Variants in AGR3 observed in about 807,000 individuals in gnomAD.
AGR3 encodes anterior gradient 3, protein disulphide isomerase family member.
Under a neutral mutation model 24.5 loss-of-function variants are expected in AGR3, and 37 were observed. The observed-to-expected ratio is 1.51, with a 90% CI of 1.16 to 1.99. The LOEUF (loss-of-function observed/expected upper bound fraction) is 1.99. AGR3 is among the 30% of genes most tolerant of loss of function. The pLI is 0.00. For synonymous variants in AGR3, 75 were observed against 61.6 expected, an observed-to-expected ratio of 1.22 and a Z score of -1.02; for missense variants, 228 against 191.1, an observed-to-expected ratio of 1.19 and a Z score of -1.14.
chr7:16,873,743 A>T (rs1412561115), intron 3 of AGR3, 37 bp downstream of exon 3: 1 of 1,489,650 alleles, frequency 6.7e-7, no homozygotes, highest in Non-Finnish European at 9.4e-7. Context: ...AGTCTACTAC[A>T]AATAAAAGGA....
At chr7:16,880,706 C>T (rs1395520717) in intron 1 of AGR3, among the ~76,000 whole-genome samples, 2 of 151,992 alleles carry the variant, frequency 1.3e-5, no homozygotes, top group Non-Finnish European at 2.9e-5. Context: ...TAAAACATTT[C>T]AGAATGTCAT....
chr7:16,855,838 C>G (rs1286360231), downstream of AGR3, among the ~76,000 whole-genome samples: 1 of 152,172 alleles, frequency 6.6e-6, no homozygotes, highest in South Asian at 2.1e-4. Flanking sequence ...TTGGCCTACT[C>G]TTATTAACTC....
At chr7:16,868,755 T>C (rs62443942) in intron 3 of AGR3, among the ~76,000 whole-genome samples, 2,174 of 152,278 alleles carry the variant, frequency 0.014, 27 homozygotes, top group Middle Eastern at 0.031. Context: ...TATAGAATGA[T>C]TTTTAAATAC....
intron 3 of AGR3, among the ~76,000 whole-genome samples, chr7:16,872,493 C>T (rs981035353): frequency 7.9e-5 from 12 of 152,162 alleles, no homozygotes; most frequent in Admixed American, 6.5e-4. Context: ...AGACCCCAAA[C>T]TATAACACTC....
intron 3 of AGR3, chr7:16,865,883 C>T (rs1200363298): frequency 8.3e-6 from 6 of 727,120 alleles, no homozygotes; most frequent in African/African-American, 7.0e-5. Context: ...CGTTGTCTTT[C>T]CACATCCAGG....
rs1438457735 is a variant in AGR3, at chr7:16,878,704, G to T, written c.-27-59C>A. 6.8e-6 allele frequency: 9 copies of T among 1,321,014 alleles called. No homozygotes were observed. In the East Asian group the frequency reaches 1.6e-4, roughly 24 times the overall value. 81.8% of individuals were successfully genotyped at this position (1,321,014 alleles called of 1,614,324 possible). On this transcript the variant is annotated intron_variant, in intron 1 of 7. Transcript: ENST00000310398. The stretch of plus-strand genomic sequence containing the variant: ...GAATTACTTCAAGCTATTATTAGAA[G>T]ATATTTGCTAAGAGTTGGACCAATA...
In AGR3 at chr7:16,876,645, G is replaced by A. The variant is rs575850497; in HGVS notation, c.109+1865C>T. On this transcript the variant is annotated intron_variant, in intron 2 of 7. Transcript: ENST00000310398. ...CATTATCTCCCATGTAGCAATAGAT[G>A]GTAAAAGACTTTGCCAAATATAAAC... 1.9e-4 allele frequency among the ~76,000 whole-genome samples: 29 copies of A among 152,118 alleles called. No individual in the cohort carries two copies. The South Asian group carries it at 5.8e-3, about 31-fold the overall frequency.
chr7:16,871,860 A>G (rs1189459780), intron 3 of AGR3, among the ~76,000 whole-genome samples: 1 of 152,136 alleles, frequency 6.6e-6, no homozygotes, highest in African/African-American at 2.4e-5. Context: ...ACAAGCAAAC[A>G]AAAACCACAC....
At chr7:16,881,167 C>T (rs1189355604) in intron 1 of AGR3, among the ~76,000 whole-genome samples, 1 of 152,152 alleles carries the variant, frequency 6.6e-6, no homozygotes, top group Non-Finnish European at 1.5e-5. Context: ...AAAAGCATAA[C>T]CTCATCATTT....
intron 3 of AGR3, among the ~76,000 whole-genome samples, chr7:16,868,583 T>A (rs1781805603): frequency 6.6e-6 from 1 of 152,230 alleles, no homozygotes; most frequent in Non-Finnish European, 1.5e-5. Flanking sequence ...TTTCATATAT[T>A]GTCTTCTATT....
intron 3 of AGR3, among the ~76,000 whole-genome samples, chr7:16,870,061 A>G (rs1245850804): frequency 6.6e-6 from 1 of 151,944 alleles, no homozygotes; most frequent in East Asian, 1.9e-4. Context: ...TCTATCCAAG[A>G]ATATAATATG....
chr7:16,857,600 A>C (rs1224815087), downstream of AGR3, among the ~76,000 whole-genome samples: 1 of 152,196 alleles, frequency 6.6e-6, no homozygotes, highest in Non-Finnish European at 1.5e-5. Context: ...CTGATCTCTT[A>C]GCATTCATTA....
chr7:16,861,568 C>A (rs186763105), intron 5 of AGR3, 121 bp from the exon 6 acceptor site: 5 of 757,238 alleles, frequency 6.6e-6, no homozygotes, highest in Non-Finnish European at 1.1e-5. Flanking sequence ...ATACAACTTT[C>A]TGTATTAACC....
intron 3 of AGR3, among the ~76,000 whole-genome samples, chr7:16,866,854 T>A (rs1781767947): frequency 6.6e-6 from 1 of 152,150 alleles, no homozygotes; most frequent in African/African-American, 2.4e-5. Flanking sequence ...TGCTGCAGTT[T>A]TCCATTTAAA....
chr7:16,861,655 C>T (rs1781645770), intron 5 of AGR3, among the ~76,000 whole-genome samples: 2 of 151,780 alleles, frequency 1.3e-5, no homozygotes. Flanking sequence ...AATCCCAGCA[C>T]TTTGGGAGGC....
At chr7:16,863,361 T>C (rs1358355177) in intron 3 of AGR3, among the ~76,000 whole-genome samples, 1 of 152,194 alleles carries the variant, frequency 6.6e-6, no homozygotes, top group Non-Finnish European at 1.5e-5. Context: ...TATTTGGCTA[T>C]TTTCACATCC....
intron 2 of AGR3, among the ~76,000 whole-genome samples, chr7:16,874,990 C>T (rs550883254): frequency 6.6e-6 from 1 of 151,840 alleles, no homozygotes; most frequent in Non-Finnish European, 1.5e-5. Context: ...GTGGCATGTG[C>T]CTGTAGTCCC....
intron 2 of AGR3, among the ~76,000 whole-genome samples, chr7:16,876,381 T>C (rs1373037718): frequency 6.6e-6 from 1 of 152,174 alleles, no homozygotes; most frequent in Non-Finnish European, 1.5e-5. Context: ...TACTCAGCAA[T>C]TCTGATTCAA....
chr7:16,879,610 G>A (rs996952003), intron 1 of AGR3, among the ~76,000 whole-genome samples: 2 of 152,100 alleles, frequency 1.3e-5, no homozygotes, highest in South Asian at 4.2e-4. Flanking sequence ...CCTTTAAGAC[G>A]TCTTTCCTAT....
Sources: allele counts gnomAD v4.1 joint callset (sites outside exome capture counted in the v4.1 genomes callset), GRCh38; gene constraint gnomAD v4.1.1; transcripts MANE v1.5; gene names NCBI Gene and HGNC (gene_info 2026-07-23, HGNC 2026-07-21).